The following GRIA1 variants were observed in gnomAD, a reference collection of about 807,000 sequenced individuals.
The protein encoded by GRIA1 is glutamate ionotropic receptor AMPA type subunit 1.
GRIA1 carries 31 observed loss-of-function variants against 99.2 expected under a neutral mutation model. The ratio of observed to expected loss-of-function variants is 0.31; its 90% CI spans 0.23 to 0.42. GRIA1 has a LOEUF of 0.42. Ranked by LOEUF, GRIA1 falls within the 10% of genes least tolerant of loss-of-function variation. GRIA1 has a pLI of 1.00. For missense variants in GRIA1, 782 were observed against 1,157.5 expected (o/e 0.68, Z 4.71); for synonymous variants, 438 against 432.4 (o/e 1.01, Z -0.16).
Position 153,491,714 on chromosome 5 carries a change from G to A in GRIA1, c.82+744G>A, listed in dbSNP as rs545224552. Among the ~76,000 whole-genome samples the A allele has an allele frequency of 9.9e-5, 15 of 151,976 alleles. No homozygotes were observed. In the South Asian group the frequency reaches 3.1e-3, roughly 32 times the overall value. On this transcript the variant is annotated intron_variant, in intron 1 of 15. Transcript: ENST00000285900. ...CTTTTACACACACAAACACACACAC[G>A]TACACATGCTCCTTTCTCCTCCTGT...
rs777373398 is a variant in GRIA1 at position 153,764,401 on chromosome 5, A to C, written c.1824-33A>C. The C allele has an allele frequency of 1.5e-5, 23 of 1,557,508 alleles. 1 individual carries two copies. In the South Asian group the frequency reaches 2.4e-4, roughly 17 times the overall value. On this transcript the variant is annotated intron_variant, in intron 11 of 15. Coordinates refer to ENST00000285900, the MANE Select transcript of GRIA1 (RefSeq NM_000827.4). ...CCAGAGCTTTCCACAGTTGATGTCC[A>C]TGCTGCTGATGCCTCTTCCCTTTGG...
At chr5:153,740,143 T>C (rs777756863) in intron 11 of GRIA1, among the ~76,000 whole-genome samples, 2 of 152,226 alleles carry the variant, frequency 1.3e-5, no homozygotes, top group Non-Finnish European at 1.5e-5. Context: ...GTTTTCAATT[T>C]TGTGTTCCGC....
intron 2 of GRIA1, among the ~76,000 whole-genome samples, chr5:153,615,122 T>C (rs1275072006): frequency 2.0e-5 from 3 of 152,194 alleles, no homozygotes; most frequent in Non-Finnish European, 4.4e-5. Flanking sequence ...GTTCAGTTGT[T>C]CCATGGCATG....
chr5:153,490,189 C>A, upstream of GRIA1: 2 of 190,886 alleles, frequency 1.0e-5, no homozygotes, highest in South Asian at 2.1e-4. Context: ...CCAGCGCAGC[C>A]CATGCACTCC....
intron 5 of GRIA1, among the ~76,000 whole-genome samples, chr5:153,670,231 A>G (rs1018167604): frequency 6.6e-6 from 1 of 152,212 alleles, no homozygotes; most frequent in Non-Finnish European, 1.5e-5. Context: ...GTGCAGAAGA[A>G]GCAGACAAGA....
chr5:153,762,177 C>A (rs1159282579), intron 11 of GRIA1, among the ~76,000 whole-genome samples: 1 of 152,066 alleles, frequency 6.6e-6, no homozygotes. Flanking sequence ...ATGTTCTCAC[C>A]ACAAATAAAT....
chr5:153,492,002 T>A (rs1753959107), intron 1 of GRIA1, among the ~76,000 whole-genome samples: 1 of 152,330 alleles, frequency 6.6e-6, no homozygotes. Flanking sequence ...GTGACCAGCA[T>A]GTCAGTGTCG....
intron 2 of GRIA1, among the ~76,000 whole-genome samples, chr5:153,503,698 G>C (rs1161344502): frequency 6.6e-6 from 1 of 152,178 alleles, no homozygotes; most frequent in Non-Finnish European, 1.5e-5. Flanking sequence ...CATGAAAATG[G>C]ACGAAATATG....
intron 15 of GRIA1, among the ~76,000 whole-genome samples, chr5:153,807,876 C>A (rs761548351): frequency 6.6e-6 from 1 of 152,194 alleles, no homozygotes; most frequent in Non-Finnish European, 1.5e-5. Flanking sequence ...GCCTCTCTCA[C>A]CCCCACTAGA....
chr5:153,541,799 C>G (rs6580018), intron 2 of GRIA1, among the ~76,000 whole-genome samples: 5 of 151,522 alleles, frequency 3.3e-5, no homozygotes, highest in African/African-American at 1.2e-4. Context: ...ACATGGTGGC[C>G]CACACCTGTA....
chr5:153,779,856 A>G (rs1051832084), intron 13 of GRIA1, among the ~76,000 whole-genome samples: 2 of 152,204 alleles, frequency 1.3e-5, no homozygotes. Flanking sequence ...CACCATGCCC[A>G]TCCTAGAGCT....
intron 2 of GRIA1, among the ~76,000 whole-genome samples, chr5:153,512,705 G>A (rs1368242184): frequency 6.6e-6 from 1 of 152,208 alleles, no homozygotes; most frequent in African/African-American, 2.4e-5. Context: ...CCGTTAGAAA[G>A]TCATCTAATT....
intron 11 of GRIA1, among the ~76,000 whole-genome samples, chr5:153,728,077 C>T (rs1021967128): frequency 8.6e-5 from 13 of 151,120 alleles, no homozygotes; most frequent in Admixed American, 2.6e-4. Flanking sequence ...GAAATAATGC[C>T]GCATATCTAC....
intron 2 of GRIA1, among the ~76,000 whole-genome samples, chr5:153,572,355 G>C (rs1041437567): frequency 6.6e-6 from 1 of 152,196 alleles, no homozygotes; most frequent in African/African-American, 2.4e-5. Flanking sequence ...ATCAAGAAAG[G>C]TGTTGTGGCA....
At chr5:153,741,753 G>A (rs1050086966) in intron 11 of GRIA1, among the ~76,000 whole-genome samples, 39 of 152,106 alleles carry the variant, frequency 2.6e-4, no homozygotes, top group African/African-American at 9.4e-4. Context: ...GACTGAGGCA[G>A]GGGGAAATGA....
chr5:153,544,569 T>C (rs1353084), intron 2 of GRIA1, among the ~76,000 whole-genome samples: 60,532 of 152,014 alleles, frequency 0.4, 13,228 homozygotes, highest in East Asian at 0.71. Flanking sequence ...TTTACAGACA[T>C]TACCAAATTA....
intron 15 of GRIA1, among the ~76,000 whole-genome samples, chr5:153,805,874 A>G (rs1185987435): frequency 2.0e-5 from 3 of 152,144 alleles, no homozygotes; most frequent in African/African-American, 4.8e-5. Context: ...TTCCACCACA[A>G]TCTTCTAGAA....
intron 2 of GRIA1, among the ~76,000 whole-genome samples, chr5:153,605,150 G>A (rs553584730): frequency 6.6e-6 from 1 of 151,118 alleles, no homozygotes; most frequent in African/African-American, 2.4e-5. Context: ...TTGCACCACT[G>A]CACTCCAGCC....
chr5:153,629,440 C>A (rs917957294), intron 2 of GRIA1, among the ~76,000 whole-genome samples: 9 of 152,134 alleles, frequency 5.9e-5, no homozygotes, highest in Admixed American at 3.3e-4. Flanking sequence ...CTGTGATGAG[C>A]GACATTGTAG....
Sources: gnomAD v4.1 joint callset for allele counts (sites outside exome capture counted in the v4.1 genomes callset) on GRCh38, gnomAD v4.1.1 for gene constraint, MANE v1.5 for transcripts, NCBI Gene and HGNC (gene_info 2026-07-23, HGNC 2026-07-21) for gene names.